The following TUT1 variants were observed in gnomAD, a reference collection of about 807,000 sequenced individuals.
TUT1 encodes speckle targeted PIP5K1A-regulated poly(A) polymerase.
Under a neutral mutation model 48.8 loss-of-function variants are expected in TUT1, and 26 were observed. That is an observed-to-expected ratio of 0.53 (90% CI 0.39 to 0.74). The LOEUF is 0.74. TUT1 is among the 30% of genes least tolerant of loss of function. The pLI, the probability that TUT1 is intolerant of heterozygous loss-of-function variation, is 0.00. For missense variants in TUT1, 1,065 were observed against 1,114.8 expected (o/e 0.96, Z 0.64); for synonymous variants, 470 against 460.8 (o/e 1.02, Z -0.26).
intron 4 of TUT1, 36 bp downstream of exon 4, chr11:62,581,070 A>T (rs774043848): frequency 9.6e-6 from 15 of 1,563,980 alleles, no homozygotes; most frequent in African/African-American, 1.4e-5. Flanking sequence ...ATTCTCATGG[A>T]CTTTTCCCAG....
Position 62,575,416 on chromosome 11 carries a change from C to T in TUT1, c.2303G>A (p.Cys768Tyr), listed in dbSNP as rs750102769. The change falls in exon 9 of 9, where the codon TGT becomes TAT. Residue 768 changes from cysteine (C) to tyrosine (Y), a missense_variant. Coordinates refer to ENST00000476907, the MANE Select transcript of TUT1 (RefSeq NM_022830.3). ...TTGCCACACTCGGTGCCACAAGGCA[C>T]AGCGCCAGCTCGCTGAGGAGGGCAG... ...ASLPSSASWR[C>Y]ALWHRVWQGR... 1.2e-5 allele frequency: 19 copies of T among 1,611,720 alleles called. No individual in the cohort carries two copies. Among genetic ancestry groups the T allele is most frequent in the Non-Finnish European group, 1.5e-5 (18 of 1,180,018 alleles).
Position 62,581,407 on chromosome 11 carries a change from C to T in TUT1, c.568G>A (p.Val190Ile). 1 of 1,606,884 alleles carries T rather than the reference C, an allele frequency of 6.2e-7. No individual in the cohort carries two copies. The highest frequency in any genetic ancestry group is 8.5e-7 in the Non-Finnish European group (1 of 1,177,152). ...RSLVVALMQE[V>I]FTEFFPGCVV... ...TTACCAGGGAAGAACTCTGTGAAGA[C>T]CTCCTGCATCAGGGCCACCACTAGG... The change falls in exon 3 of 9, where the codon GTC (valine) becomes ATC (isoleucine). Residue 190 changes from valine (V) to isoleucine (I), a missense_variant. Val to Ile is a conservative substitution (Grantham distance 29, BLOSUM62 3). Transcript: ENST00000476907.
intron 7 of TUT1, 67 bp from the exon 8 acceptor site, chr11:62,576,816 C>T: frequency 3.1e-6 from 5 of 1,596,166 alleles, no homozygotes; most frequent in Non-Finnish European, 4.3e-6. Context: ...GTAGAGAGAT[C>T]TCATTCACAG....
chr11:62,584,337 A>G (rs750581740), intron 2 of TUT1, among the ~76,000 whole-genome samples: 3 of 152,076 alleles, frequency 2.0e-5, no homozygotes, highest in Non-Finnish European at 4.4e-5. Flanking sequence ...CACATTAGCC[A>G]GGCTGGTCTC....
rs562066741 is a variant in TUT1 at position 62,575,799 on chromosome 11, C to T, written c.1920G>A (p.Lys640=). Residue 640 remains lysine, a synonymous_variant, in exon 9 of 9, where the codon AAG becomes AAA. Coordinates refer to ENST00000476907, the MANE Select transcript of TUT1 (RefSeq NM_022830.3). ...TTCCACCTCCTTCTGACCGCGTTCT[C>T]TTGGTTGCCTGTTCTATATGGCACC... ...ALGCHIEQAT[K]RTRSEGGGTG... 45 of 1,614,114 alleles carry T rather than the reference C, an allele frequency of 2.8e-5. No individual in the cohort carries two copies. Among genetic ancestry groups the T allele is most frequent in the Non-Finnish European group, 3.6e-5 (42 of 1,180,060 alleles).
chr11:62,586,257 T>C (rs1438246834), intron 2 of TUT1, among the ~76,000 whole-genome samples: 1 of 152,252 alleles, frequency 6.6e-6, no homozygotes, highest in Non-Finnish European at 1.5e-5. Flanking sequence ...TGTCTGAGGC[T>C]CATAAGACAC....
In TUT1 at chr11:62,591,395, A is replaced by C; in HGVS notation, c.82+9T>G. 3 of 1,559,206 alleles carry C rather than the reference A, an allele frequency of 1.9e-6. No individual in the cohort carries two copies. The highest frequency in any genetic ancestry group is 2.6e-6 in the Non-Finnish European group (3 of 1,152,380). On this transcript the variant is annotated intron_variant, in intron 1 of 8. Coordinates refer to ENST00000476907, the MANE Select transcript of TUT1 (RefSeq NM_022830.3). Reference sequence around the variant, plus strand: ...ACCACCCCCGGGTCCCTCACTAGCCACCGCTTACGGTTGGCTGTAGTAACG... The same window carrying C: ...ACCACCCCCGGGTCCCTCACTAGCCCCCGCTTACGGTTGGCTGTAGTAACG...
chr11:62,582,224 C>T (rs1047842269), intron 2 of TUT1, among the ~76,000 whole-genome samples: 1 of 151,976 alleles, frequency 6.6e-6, no homozygotes, highest in East Asian at 1.9e-4. Context: ...CTCCTAAACT[C>T]GGCCTCCTAA....
chr11:62,575,794 G>T lies in TUT1; in HGVS notation c.1925C>A (p.Thr642Lys). The T allele has an allele frequency of 6.2e-7, 1 of 1,614,126 alleles. No homozygotes were observed. Among genetic ancestry groups the T allele is most frequent in the Non-Finnish European group, 8.5e-7 (1 of 1,180,024 alleles). Reference sequence around the variant, plus strand: ...CCCAGTTCCACCTCCTTCTGACCGCGTTCTCTTGGTTGCCTGTTCTATATG... The same window carrying T: ...CCCAGTTCCACCTCCTTCTGACCGCTTTCTCTTGGTTGCCTGTTCTATATG... ...GCHIEQATKR[T>K]RSEGGGTGES... Residue 642 changes from threonine (T) to lysine (K), a missense_variant, in exon 9 of 9, where the codon ACG (threonine) becomes AAG (lysine). By Grantham distance (78) the Thr-to-Lys change is moderately conservative. Coordinates refer to ENST00000476907, the MANE Select transcript of TUT1 (RefSeq NM_022830.3).
rs535997405 is a variant in TUT1 at position 62,591,176 on chromosome 11, T to C, written c.82+228A>G. On this transcript the variant is annotated intron_variant, in intron 1 of 8. Transcript: ENST00000476907. The stretch of plus-strand genomic sequence containing the variant: ...CAATAGATGATGGTTAAAGAAGTAA[T>C]AAAACAATTAAACTTGCGTTGTGGA... The C allele has an allele frequency of 7.2e-5, 31 of 432,806 alleles. No individual in the cohort carries two copies. The South Asian group carries it at 2.8e-3, about 38-fold the overall frequency. The allele number at this position is 432,806 out of a possible 1,614,324, so 26.8% of individuals were successfully genotyped here.
At chr11:62,587,262 G>A (rs1019738708) in intron 2 of TUT1, among the ~76,000 whole-genome samples, 35 of 152,072 alleles carry the variant, frequency 2.3e-4, no homozygotes, top group African/African-American at 8.4e-4. Context: ...GCTCAAGGCA[G>A]CCTCCGCCTC....
Position 62,581,697 on chromosome 11 carries a change from A to G in TUT1, c.278T>C (p.Val93Ala), listed in dbSNP as rs1424865365. 1.4e-6 allele frequency: 2 copies of G among 1,444,130 alleles called. No individual in the cohort carries two copies. The highest frequency in any genetic ancestry group is 9.1e-7 in the Non-Finnish European group (1 of 1,095,544). The allele number at this position is 1,444,130 out of a possible 1,614,324, so 89.5% of individuals were successfully genotyped here. ...GTCCCCCATCTCCACAATGGCAAAC[A>G]CTCCCTGGTAAACAACAGGGGCAGA... The part of the protein sequence containing the change: ...ASVVMDKDKG[V>A]FAIVEMGDVG... Residue 93 changes from valine (V) to alanine (A), a missense_variant, in exon 3 of 9, where the codon GTG (valine) becomes GCG (alanine). Physicochemically the swap from Val to Ala is moderately conservative, Grantham distance 64. Coordinates refer to ENST00000476907, the MANE Select transcript of TUT1 (RefSeq NM_022830.3).
intron 2 of TUT1, among the ~76,000 whole-genome samples, chr11:62,585,174 G>A (rs1206579513): frequency 1.3e-5 from 2 of 152,126 alleles, no homozygotes; most frequent in Non-Finnish European, 2.9e-5. Flanking sequence ...AGACTGGAGT[G>A]CAGTGATGTG....
rs754089847 is a variant in TUT1, at chr11:62,575,898, C to T, written c.1821G>A (p.Thr607=). 31 of 1,613,992 alleles carry T rather than the reference C, an allele frequency of 1.9e-5. No individual in the cohort carries two copies. In the African/African-American group the frequency reaches 2.7e-4, roughly 14 times the overall value. ...AGGGTGCAAGGGGTAAAGGGATCGG[C>T]GTAGCAGAGAGCAGGGAGCTGGGGG... ...PSSPSSLLSA[T]PIPLPLAPFT... The change falls in exon 9 of 9, where the codon ACG becomes ACA. Residue 607 remains threonine (T), a synonymous_variant. Coordinates refer to ENST00000476907, the MANE Select transcript of TUT1 (RefSeq NM_022830.3).
intron 2 of TUT1, among the ~76,000 whole-genome samples, chr11:62,585,595 GC>G (rs1941898940): frequency 6.6e-6 from 1 of 152,214 alleles, no homozygotes; most frequent in Non-Finnish European, 1.5e-5. Context: ...ACCCTGGGAG[GC>G]TGAGGCGGAC....
At chr11:62,585,154 T>C (rs772964975) in intron 2 of TUT1, among the ~76,000 whole-genome samples, 75 of 152,116 alleles carry the variant, frequency 4.9e-4, no homozygotes, top group Non-Finnish European at 1.3e-4. Context: ...AGGATTTTGC[T>C]CTGTCACCAA....
In TUT1 at chr11:62,578,979, G is replaced by A; in HGVS notation, c.742C>T (p.Pro248Ser). Residue 248 changes from proline (P) to serine (S), a missense_variant, in exon 5 of 9, where the codon CCA becomes TCA. Transcript: ENST00000476907. ...SPSLDSALAS[P>S]LDPQALACTP... is the part of the protein sequence containing the mutation. ...CAGGCCAGGGCTTGAGGGTCCAGTG[G>A]GGAAGCCAGGGCCGAGTCCAGCGAT... The A allele has an allele frequency of 6.6e-7, 1 of 1,523,320 alleles. No individual in the cohort carries two copies. Among genetic ancestry groups the A allele is most frequent in the Non-Finnish European group, 8.8e-7 (1 of 1,137,376 alleles). The allele number at this position is 1,523,320 out of a possible 1,614,324, so 94.4% of individuals were successfully genotyped here.
chr11:62,579,534 G>A (rs1941791477), intron 4 of TUT1, among the ~76,000 whole-genome samples: 1 of 152,150 alleles, frequency 6.6e-6, no homozygotes, highest in Non-Finnish European at 1.5e-5. Flanking sequence ...GAGAGTGTGT[G>A]TGTGTAGAGA....
In TUT1 at chr11:62,578,628, G is replaced by T. The variant is rs74880489; in HGVS notation, c.1093C>A (p.Arg365=). Residue 365 remains arginine, a synonymous_variant, in exon 5 of 9, where the codon CGG becomes AGG. Coordinates refer to ENST00000476907, the MANE Select transcript of TUT1 (RefSeq NM_022830.3). ...VYRVQTVPSA[R]RPVVKFCHRP... ...TGACAGAACTTGACCACAGGGCGCC[G>T]GGCAGAGGGCACAGTTTGGACTCGA... 1 of 1,614,102 alleles carries T rather than the reference G, an allele frequency of 6.2e-7. No individual in the cohort carries two copies. The highest frequency in any genetic ancestry group is 1.3e-5 in the African/African-American group (1 of 75,036).
Sources: allele counts gnomAD v4.1 joint callset (sites outside exome capture counted in the v4.1 genomes callset), GRCh38; gene constraint gnomAD v4.1.1; transcripts MANE v1.5; gene names NCBI Gene and HGNC (gene_info 2026-07-23, HGNC 2026-07-21).